The following UCHL5 variants were observed in gnomAD, a reference collection of about 807,000 sequenced individuals.
The protein encoded by UCHL5 is ubiquitin C-terminal hydrolase L5.
Under a neutral mutation model 53.8 loss-of-function variants are expected in UCHL5, and 34 were observed. The ratio of observed to expected loss-of-function variants is 0.63; its 90% CI spans 0.48 to 0.84. The LOEUF (loss-of-function observed/expected upper bound fraction) is 0.84. Ranked by LOEUF, UCHL5 falls within the 40% of genes least tolerant of loss-of-function variation. The probability of loss-of-function intolerance (pLI) is 0.00; values close to 1 mark genes in which losing one functional copy is unlikely to be tolerated. For synonymous variants in UCHL5, 111 were observed against 126.3 expected (o/e 0.88, Z 0.81); for missense variants, 290 against 385.6 (o/e 0.75, Z 2.08).
chr1:193,049,563 T>A, intron 3 of UCHL5, 183 bp downstream of exon 3: 1 of 435,454 alleles, frequency 2.3e-6, no homozygotes, highest in Non-Finnish European at 4.1e-6. Context: ...TGATAGATAA[T>A]CCCAGAAACA....
intron 2 of UCHL5, among the ~76,000 whole-genome samples, chr1:193,050,407 T>C (rs1400526389): frequency 6.6e-6 from 1 of 152,034 alleles, no homozygotes; most frequent in Non-Finnish European, 1.5e-5. Context: ...AGTCTATCTA[T>C]CACAACTGCC....
At chr1:193,027,008 G>A (rs1012100800) in intron 7 of UCHL5, among the ~76,000 whole-genome samples, 5 of 152,190 alleles carry the variant, frequency 3.3e-5, no homozygotes, top group African/African-American at 9.6e-5. Flanking sequence ...GCTACATATT[G>A]TAAAATTCAT....
chr1:193,023,882 C>T lies in UCHL5; in HGVS notation c.694G>A (p.Glu232Lys), dbSNP rs967509934. The T allele has an allele frequency of 2.5e-6, 4 of 1,613,054 alleles. No homozygotes were observed. In the African/African-American group the frequency reaches 5.3e-5, roughly 22 times the overall value. ...CTTTGTAACTCTGCTATCTTCTGCT[C>T]ATATATCATTTTTCTGTCAGACACA... The part of the protein sequence containing the change: ...AIVSDRKMIY[E>K]QKIAELQRQL... Residue 232 changes from glutamate to lysine, a missense_variant, in exon 8 of 11, where the codon GAG becomes AAG. Transcript: ENST00000367454.
intron 3 of UCHL5, among the ~76,000 whole-genome samples, chr1:193,049,250 A>G (rs1415514124): frequency 6.6e-6 from 1 of 152,128 alleles, no homozygotes; most frequent in Non-Finnish European, 1.5e-5. Context: ...CCCCATCTCT[A>G]CTAAAAATAC....
intron 1 of UCHL5, among the ~76,000 whole-genome samples, chr1:193,058,000 C>T (rs537342710): frequency 6.6e-5 from 10 of 152,060 alleles, no homozygotes; most frequent in African/African-American, 2.2e-4. Flanking sequence ...GAGGCCGAGG[C>T]GGGTGGATCA....
intron 3 of UCHL5, among the ~76,000 whole-genome samples, chr1:193,032,680 G>GA (rs1328964664): frequency 1.3e-5 from 2 of 151,940 alleles, no homozygotes; most frequent in Non-Finnish European, 2.9e-5. Context: ...AAATGCAGAA[G>GA]AAAAAAATAA....
At chr1:193,039,484 A>G (rs2102644621) in intron 3 of UCHL5, among the ~76,000 whole-genome samples, 1 of 152,362 alleles carries the variant, frequency 6.6e-6, no homozygotes, top group Middle Eastern at 3.4e-3. Context: ...AAGGACAAGT[A>G]TAAAGCACTG....
Position 193,028,139 on chromosome 1 carries a change from T to C in UCHL5, c.575A>G (p.Asn192Ser), listed in dbSNP as rs140645938. 4.4e-6 allele frequency: 7 copies of C among 1,596,432 alleles called. No homozygotes were observed. Among genetic ancestry groups the C allele is most frequent in the African/African-American group, 2.7e-5 (2 of 73,918 alleles). ...REGPIDLGAC[N>S]QDDWISAVRP... ...TACTGCACTGATCCAATCATCTTGA[T>C]TGCATGCACCTAGAAAGAAATTTTA... The change falls in exon 7 of 11, where the codon AAT becomes AGT. Residue 192 changes from asparagine (N) to serine (S), a missense_variant. Physicochemically the swap from Asn to Ser is conservative, Grantham distance 46 (BLOSUM62 1). Transcript: ENST00000367454.
intron 3 of UCHL5, among the ~76,000 whole-genome samples, chr1:193,032,818 CACA>C (rs1661956264): frequency 6.6e-6 from 1 of 152,156 alleles, no homozygotes; most frequent in African/African-American, 2.4e-5. Context: ...AAATCAAAAC[CACA>C]ACAAGATACC....
chr1:193,056,780 T>C (rs1670753086), intron 1 of UCHL5, among the ~76,000 whole-genome samples: 1 of 152,238 alleles, frequency 6.6e-6, no homozygotes, highest in African/African-American at 2.4e-5. Flanking sequence ...TTTTTAAATC[T>C]ATAAATTGGG....
chr1:193,059,752 C>A, upstream of UCHL5: 1 of 1,355,794 alleles, frequency 7.4e-7, no homozygotes, highest in Admixed American at 2.0e-5. This position sits in a 1 kb window ranked among gnomAD's most constrained non-coding sequence, Gnocchi z 4.9. Flanking sequence ...CGCTGCGGAT[C>A]CAGGGGGTCG....
intron 3 of UCHL5, among the ~76,000 whole-genome samples, chr1:193,038,227 C>T (rs1046144247): frequency 6.6e-6 from 1 of 152,000 alleles, no homozygotes; most frequent in Admixed American, 6.5e-5. Context: ...GAGGCCGAGG[C>T]GGGCAGATTA....
rs1654458887 is a variant in UCHL5, at chr1:193,013,549, T to G, written c.*2802A>C. 5 of 152,204 alleles carry G rather than the reference T, an allele frequency of 3.3e-5. No homozygotes were observed. The highest frequency in any genetic ancestry group is 3.3e-4 in the Admixed American group (5 of 15,266). 9.4% of individuals were successfully genotyped at this position (152,204 alleles called of 1,614,324 possible). A position where few individuals can be genotyped will look rare whatever the true frequency, so the allele number is the denominator to read the frequency against. ...TCACTAAATACATAAAATGTTAATG[T>G]GCTCATCCCTGTAAATAGAAATATG... is the stretch of plus-strand genomic sequence containing the variant. On this transcript the variant is annotated 3_prime_UTR_variant, in exon 11 of 11. Transcript: ENST00000367454.
intron 1 of UCHL5, among the ~76,000 whole-genome samples, chr1:193,055,486 A>G (rs1452367891): frequency 1.3e-5 from 2 of 152,228 alleles, no homozygotes; most frequent in Admixed American, 1.3e-4. Context: ...CTACTATGCT[A>G]TAAGTAATAC....
At chr1:193,036,317 CAAAAAA>C (rs960496083) in intron 3 of UCHL5, among the ~76,000 whole-genome samples, 81 of 50,808 alleles carry the variant, frequency 1.6e-3, no homozygotes, top group Non-Finnish European at 2.3e-3. Context: ...AACTGGAAAC[CAAAAAA>C]AAAAAAAAAA....
At chr1:193,021,745 C>G (rs1230811440) in intron 9 of UCHL5, among the ~76,000 whole-genome samples, 1 of 152,130 alleles carries the variant, frequency 6.6e-6, no homozygotes, top group East Asian at 1.9e-4. Context: ...AATTGATTGC[C>G]CTTCCATAGA....
intron 3 of UCHL5, among the ~76,000 whole-genome samples, chr1:193,041,322 A>G (rs572961583): frequency 5.3e-5 from 8 of 152,372 alleles, no homozygotes; most frequent in African/African-American, 1.7e-4. Context: ...TTGAAAAATA[A>G]CATAAACAAG....
At chr1:193,024,946 T>G (rs1294500343) in intron 7 of UCHL5, among the ~76,000 whole-genome samples, 3 of 152,026 alleles carry the variant, frequency 2.0e-5, no homozygotes, top group East Asian at 3.9e-4. Context: ...TAAGTACAAC[T>G]AAAAACCCTG....
In UCHL5 at chr1:193,015,998, T is replaced by C; in HGVS notation, c.*353A>G. ...AATAAGACAACCAGTTTAATCAAGA[T>C]CTGACAATTGCAAATTTTAAGTATT... On this transcript the variant is annotated 3_prime_UTR_variant, in exon 11 of 11. Transcript: ENST00000367454. 5.0e-6 allele frequency: 1 copy of C among 200,636 alleles called. No individual in the cohort carries two copies. The highest frequency in any genetic ancestry group is 1.0e-5 in the Non-Finnish European group (1 of 99,878). 12.4% of individuals were successfully genotyped at this position (200,636 alleles called of 1,614,324 possible). A position where few individuals can be genotyped will look rare whatever the true frequency, so the allele number is the denominator to read the frequency against.
Sources: allele counts gnomAD v4.1 joint callset (sites outside exome capture counted in the v4.1 genomes callset), GRCh38; gene constraint gnomAD v4.1.1; non-coding constraint Gnocchi (gnomAD v3.1); transcripts MANE v1.5; gene names NCBI Gene and HGNC (gene_info 2026-07-23, HGNC 2026-07-21).